Variants in REV1 observed in about 807,000 individuals in gnomAD.
REV1 encodes the protein translesion synthesis protein REV1.
REV1 carries 42 observed loss-of-function variants against 137.4 expected under a neutral mutation model. The ratio of observed to expected loss-of-function variants is 0.31; its 90% CI spans 0.24 to 0.40. REV1 has a LOEUF of 0.40. REV1 is among the 10% of genes least tolerant of loss of function. REV1 has a pLI of 1.00. For synonymous variants in REV1, 524 were observed against 519.2 expected (o/e 1.01, Z -0.12); for missense variants, 1,282 against 1,490.1 (o/e 0.86, Z 2.30).
intron 9 of REV1, chr2:99,424,954 T>C (rs1559323150): frequency 3.3e-6 from 4 of 1,208,584 alleles, no homozygotes; most frequent in Non-Finnish European, 4.3e-6. Context: ...CACATTACCT[T>C]TGACATTTGG....
rs1681079211 is a variant in REV1 at position 99,438,697 on chromosome 2, T to C, written c.1117A>G (p.Asn373Asp). The C allele has an allele frequency of 6.2e-7, 1 of 1,614,044 alleles. No individual in the cohort carries two copies. Among genetic ancestry groups the C allele is most frequent in the African/African-American group, 1.3e-5 (1 of 74,934 alleles). The change falls in exon 6 of 23, where the codon AAT (asparagine) becomes GAT (aspartate). Residue 373 changes from asparagine (N) to aspartate (D), a missense_variant. Asn to Asp is a conservative substitution (Grantham distance 23). Transcript: ENST00000258428. ...CCATTACTTTGTCTTTGTAGGGTAT[T>C]GACAAACTCAGTCAATTCACACTTC... ...MWKCELTEFV[N>D]TLQRQSNGIF...
rs1203057912 is a variant in REV1, at chr2:99,401,726, G to A, written c.3645-374C>T. Among the ~76,000 whole-genome samples, 4 of 152,248 alleles carry A rather than the reference G, an allele frequency of 2.6e-5. No homozygotes were observed. The East Asian group carries it at 5.8e-4, about 22-fold the overall frequency. Reference sequence around the variant, plus strand: ...CCTGCCACTGCACTCCAGCCTGGGCGACAGAGTGAGACTCCATCTCAAAAA... The same window carrying A: ...CCTGCCACTGCACTCCAGCCTGGGCAACAGAGTGAGACTCCATCTCAAAAA... On this transcript the variant is annotated intron_variant, in intron 22 of 22. Coordinates refer to ENST00000258428, the MANE Select transcript of REV1 (RefSeq NM_016316.4).
At chr2:99,441,867 C>T (rs1175801384) in intron 5 of REV1, among the ~76,000 whole-genome samples, 1 of 152,122 alleles carries the variant, frequency 6.6e-6, no homozygotes, top group Non-Finnish European at 1.5e-5. Flanking sequence ...CTCATACACA[C>T]ATATTTCAAC....
intron 1 of REV1, among the ~76,000 whole-genome samples, chr2:99,469,869 C>T (rs965506531): frequency 5.3e-5 from 8 of 152,008 alleles, no homozygotes; most frequent in Non-Finnish European, 1.2e-4. Flanking sequence ...AATGATATTT[C>T]CTAGCACTCT....
rs1321827171 is a variant in REV1, at chr2:99,437,632, T to C, written c.1213+969A>G. Among the ~76,000 whole-genome samples, 4 of 152,196 alleles carry C rather than the reference T, an allele frequency of 2.6e-5. No individual in the cohort carries two copies. The East Asian group carries it at 5.8e-4, about 22-fold the overall frequency. On this transcript the variant is annotated intron_variant, in intron 6 of 22. Transcript: ENST00000258428. ...AGTACAGAATGCATAAGCCAGTATC[T>C]ACCAAATGCTTTCATACAATAACAA...
chr2:99,459,879 G>A (rs754728662), intron 3 of REV1, among the ~76,000 whole-genome samples: 1 of 152,092 alleles, frequency 6.6e-6, no homozygotes, highest in Non-Finnish European at 1.5e-5. Flanking sequence ...GAAGGTATAG[G>A]GACTACGAAA....
At chr2:99,454,109 C>A (rs1683246361) in intron 3 of REV1, among the ~76,000 whole-genome samples, 1 of 151,462 alleles carries the variant, frequency 6.6e-6, no homozygotes, top group Admixed American at 6.6e-5. Flanking sequence ...CTCACTGTAA[C>A]CTCAACCTCC....
chr2:99,458,611 G>T (rs1018041651), intron 3 of REV1, among the ~76,000 whole-genome samples: 2 of 152,148 alleles, frequency 1.3e-5, no homozygotes, highest in African/African-American at 4.8e-5. Flanking sequence ...ATACACAAAT[G>T]TTCATAGCCT....
At chr2:99,421,439 A>C in intron 11 of REV1, 60 bp downstream of exon 11, 1 of 1,484,642 alleles carries the variant, frequency 6.7e-7, no homozygotes, top group Non-Finnish European at 9.1e-7. Flanking sequence ...CCATAAAATT[A>C]ACTGATATTC....
At chr2:99,415,490 A>T (rs1575016143) in intron 12 of REV1, among the ~76,000 whole-genome samples, 1 of 152,150 alleles carries the variant, frequency 6.6e-6, no homozygotes, top group East Asian at 1.9e-4. Flanking sequence ...AACTTCAAAG[A>T]ATAAAGTTTT....
At chr2:99,444,943 A>C (rs912852789) in intron 4 of REV1, among the ~76,000 whole-genome samples, 1 of 152,238 alleles carries the variant, frequency 6.6e-6, no homozygotes, top group African/African-American at 2.4e-5. Context: ...TCTTTATCCA[A>C]AAGATAATAC....
chr2:99,406,282 C>G, intron 16 of REV1, 43 bp downstream of exon 16: 1 of 1,560,724 alleles, frequency 6.4e-7, no homozygotes, highest in Non-Finnish European at 8.7e-7. Context: ...TTTCCAAGGA[C>G]ATAAGCAGCA....
intron 5 of REV1, among the ~76,000 whole-genome samples, chr2:99,439,710 G>A (rs989976335): frequency 6.6e-6 from 1 of 152,078 alleles, no homozygotes. Flanking sequence ...GAATCTATAA[G>A]CTGTAAATAC....
intron 13 of REV1, among the ~76,000 whole-genome samples, chr2:99,411,680 A>AT (rs1168986886): frequency 1.3e-5 from 2 of 151,372 alleles, no homozygotes; most frequent in Non-Finnish European, 2.9e-5. Context: ...AAGTGCTGGG[A>AT]TTACAGGTGT....
chr2:99,425,570 C>G (rs1238849104), intron 9 of REV1, among the ~76,000 whole-genome samples: 6 of 152,048 alleles, frequency 3.9e-5, no homozygotes, highest in East Asian at 1.9e-4. Flanking sequence ...AAGTAGATAC[C>G]TAACAGTTTA....
intron 4 of REV1, among the ~76,000 whole-genome samples, chr2:99,445,143 A>C (rs986804724): frequency 7.4e-5 from 11 of 148,980 alleles, no homozygotes; most frequent in South Asian, 4.2e-4. Context: ...AAAAAAAAAA[A>C]CACAAGGAAT....
chr2:99,401,614 GCA>G (rs1675434338), intron 22 of REV1, among the ~76,000 whole-genome samples: 1 of 152,030 alleles, frequency 6.6e-6, no homozygotes, highest in Non-Finnish European at 1.5e-5. Context: ...GGGCATGGTG[GCA>G]CATGCCTATA....
chr2:99,414,907 T>A (rs1407566632), intron 12 of REV1, among the ~76,000 whole-genome samples: 1 of 152,252 alleles, frequency 6.6e-6, no homozygotes, highest in African/African-American at 2.4e-5. Context: ...ATCTTGAGTA[T>A]ACCACAACAA....
chr2:99,477,871 A>G (rs1686160777), intron 1 of REV1, among the ~76,000 whole-genome samples: 1 of 152,224 alleles, frequency 6.6e-6, no homozygotes, highest in Non-Finnish European at 1.5e-5. Flanking sequence ...AACAACGACT[A>G]ATGCTTTTCT....
Sources: gnomAD v4.1 joint callset for allele counts (sites outside exome capture counted in the v4.1 genomes callset) on GRCh38, gnomAD v4.1.1 for gene constraint, MANE v1.5 for transcripts, NCBI Gene and HGNC (gene_info 2026-07-23, HGNC 2026-07-21) for gene names.